Variants in SGCZ observed in about 807,000 individuals in gnomAD.
SGCZ encodes the protein zeta-sarcoglycan.
Under a neutral mutation model 41.3 loss-of-function variants are expected in SGCZ, and 40 were observed. That is an observed-to-expected ratio of 0.97 (90% CI 0.75 to 1.26). The LOEUF (loss-of-function observed/expected upper bound fraction) is 1.26. Ranked by LOEUF, SGCZ falls within the 50% of genes most tolerant of loss-of-function variation. The pLI is 0.00. For synonymous variants in SGCZ, 206 were observed against 137.5 expected (o/e 1.50, Z -3.49); for missense variants, 552 against 369.8 (o/e 1.49, Z -4.04).
chr8:14,438,498 C>G (rs2117359563), intron 2 of SGCZ, among the ~76,000 whole-genome samples: 1 of 152,042 alleles, frequency 6.6e-6, no homozygotes, highest in East Asian at 1.9e-4. Flanking sequence ...GTGGCTCTCT[C>G]TATTCAATTC....
At chr8:14,749,951 T>C (rs934580469) in intron 1 of SGCZ, among the ~76,000 whole-genome samples, 7 of 152,152 alleles carry the variant, frequency 4.6e-5, no homozygotes, top group African/African-American at 1.4e-4. Flanking sequence ...TTGAACCAAA[T>C]TGTAAAATTT....
At chr8:15,194,951 G>A (rs1473290158) in intron 1 of SGCZ, among the ~76,000 whole-genome samples, 1 of 152,118 alleles carries the variant, frequency 6.6e-6, no homozygotes, top group Admixed American at 6.6e-5. Context: ...TACAACTTGC[G>A]ACGTCGTTTT....
chr8:14,808,103 C>G (rs1165698013), intron 1 of SGCZ, among the ~76,000 whole-genome samples: 9 of 152,090 alleles, frequency 5.9e-5, no homozygotes, highest in Admixed American at 5.9e-4. Context: ...AAGACTGAAA[C>G]GTTAGACCTA....
chr8:14,296,560 T>C (rs565883803), intron 3 of SGCZ, among the ~76,000 whole-genome samples: 3 of 152,308 alleles, frequency 2.0e-5, no homozygotes, highest in East Asian at 1.9e-4. Flanking sequence ...ACAATATGTA[T>C]GCAATAATAT....
chr8:14,731,026 C>T lies in SGCZ; in HGVS notation c.40-176100G>A, dbSNP rs1010372022. ...GAAATACCATTTGACCCAGCAACCC[C>T]ATTACTAGGTATATACCCAAAGGAT... is the stretch of plus-strand genomic sequence containing the variant. On this transcript the variant is annotated intron_variant, in intron 1 of 7. Coordinates refer to ENST00000382080, the MANE Select transcript of SGCZ (RefSeq NM_139167.4). 2.0e-5 allele frequency among the ~76,000 whole-genome samples: 3 copies of T among 151,750 alleles called. 1 individual carries two copies. Among genetic ancestry groups the T allele is most frequent in the Admixed American group, 6.6e-5 (1 of 15,234 alleles).
chr8:14,801,539 T>C (rs982586278), intron 1 of SGCZ, among the ~76,000 whole-genome samples: 3 of 152,162 alleles, frequency 2.0e-5, no homozygotes, highest in Non-Finnish European at 4.4e-5. Context: ...TTTCACCTTG[T>C]TTACTTCCAG....
At chr8:14,869,980 A>G (rs1383367252) in intron 1 of SGCZ, among the ~76,000 whole-genome samples, 1 of 152,232 alleles carries the variant, frequency 6.6e-6, no homozygotes, top group African/African-American at 2.4e-5. Context: ...GGAAGAATCA[A>G]TATTGTTAAA....
chr8:14,316,503 C>A (rs1585354462), intron 3 of SGCZ, among the ~76,000 whole-genome samples: 1 of 151,812 alleles, frequency 6.6e-6, no homozygotes, highest in Non-Finnish European at 1.5e-5. Context: ...AACAATTATG[C>A]CTGACTAAAG....
chr8:14,102,338 G>T (rs982021474), intron 7 of SGCZ, 38 bp downstream of exon 7: 1 of 1,382,196 alleles, frequency 7.2e-7, no homozygotes, highest in Admixed American at 2.6e-5. Context: ...TTTCAAAGTG[G>T]GCAGTATAGG....
intron 1 of SGCZ, among the ~76,000 whole-genome samples, chr8:14,658,204 C>T (rs960511802): frequency 4.6e-5 from 7 of 152,128 alleles, no homozygotes; most frequent in African/African-American, 1.7e-4. Context: ...CATCCTTGCT[C>T]CTCTTTGTTA....
intron 2 of SGCZ, among the ~76,000 whole-genome samples, chr8:14,417,801 G>A (rs202223263): frequency 2.3e-4 from 7 of 29,932 alleles, no homozygotes; most frequent in Admixed American, 1.7e-3. Context: ...ATTTCACAAT[G>A]TGTATGTATA....
intron 1 of SGCZ, among the ~76,000 whole-genome samples, chr8:15,008,431 A>G (rs1268576302): frequency 6.6e-6 from 1 of 151,242 alleles, no homozygotes; most frequent in African/African-American, 2.4e-5. Flanking sequence ...AAAACAATTC[A>G]AAGACCTTCA....
At chr8:14,107,603 G>A (rs925202409) in intron 6 of SGCZ, among the ~76,000 whole-genome samples, 5 of 151,880 alleles carry the variant, frequency 3.3e-5, no homozygotes, top group African/African-American at 7.3e-5. Context: ...TATATATGTC[G>A]GATTTTCCAG....
intron 1 of SGCZ, among the ~76,000 whole-genome samples, chr8:15,131,313 T>C (rs1807891785): frequency 6.6e-6 from 1 of 152,186 alleles, no homozygotes; most frequent in African/African-American, 2.4e-5. Context: ...GATGGTCTTA[T>C]AAGGGGTTTC....
chr8:14,946,004 C>CTA (rs1800429047), intron 1 of SGCZ, among the ~76,000 whole-genome samples: 3 of 45,764 alleles, frequency 6.6e-5, no homozygotes, highest in African/African-American at 1.8e-4. Flanking sequence ...CTAAATGTCC[C>CTA]CATATATATA....
chr8:14,597,609 C>T (rs1391750165), intron 1 of SGCZ, among the ~76,000 whole-genome samples: 1 of 152,130 alleles, frequency 6.6e-6, no homozygotes, highest in Non-Finnish European at 1.5e-5. Context: ...TCTAGAGTAG[C>T]TGGGATTACA....
intron 2 of SGCZ, among the ~76,000 whole-genome samples, chr8:14,469,430 T>G (rs1427141382): frequency 2.0e-5 from 3 of 152,260 alleles, no homozygotes; most frequent in African/African-American, 7.2e-5. Flanking sequence ...AATCTCTCCT[T>G]CATAGCATAT....
At chr8:14,208,531 T>C (rs1200464567) in intron 4 of SGCZ, among the ~76,000 whole-genome samples, 1 of 152,086 alleles carries the variant, frequency 6.6e-6, no homozygotes, top group Non-Finnish European at 1.5e-5. Context: ...AACATGAAAA[T>C]ACACAAAGAT....
chr8:14,392,065 G>C (rs1030311908), intron 2 of SGCZ, among the ~76,000 whole-genome samples: 1 of 152,008 alleles, frequency 6.6e-6, no homozygotes, highest in Non-Finnish European at 1.5e-5. Context: ...CTATAGCAAG[G>C]GGAGATGGAG....
Sources: gnomAD v4.1 joint callset for allele counts (sites outside exome capture counted in the v4.1 genomes callset) on GRCh38, gnomAD v4.1.1 for gene constraint, MANE v1.5 for transcripts, NCBI Gene and HGNC (gene_info 2026-07-23, HGNC 2026-07-21) for gene names.